WHAMM: variants seen among roughly 807,000 people sequenced by gnomAD.
WHAMM encodes WASP homolog-associated protein with actin, membranes and microtubules.
A neutral mutation model predicts 76.5 loss-of-function variants in WHAMM; 67 were observed. That is an observed-to-expected ratio of 0.88 (90% CI 0.72 to 1.07). WHAMM has a LOEUF of 1.07. Among genes scored for constraint, WHAMM ranks in the 50% least tolerant of loss-of-function variants. WHAMM has a pLI of 0.00. For missense variants in WHAMM, 1,021 were observed against 1,051.1 expected, an observed-to-expected ratio of 0.97 and a Z score of 0.40; for synonymous variants, 419 against 422.1, an observed-to-expected ratio of 0.99 and a Z score of 0.09.
In WHAMM at chr15:82,809,665, A is replaced by G. The variant is rs2050590099; in HGVS notation, c.-62A>G. On this transcript the variant is annotated 5_prime_UTR_variant, in exon 1 of 10. Coordinates refer to ENST00000286760, the MANE Select transcript of WHAMM (RefSeq NM_001080435.3). ...GATTTGGCTCGGACTGTCCCGTGAC[A>G]GGCGGTGCGAGGAGGCCAGGCCCGC... 4 of 1,275,062 alleles carry G rather than the reference A, an allele frequency of 3.1e-6. No individual in the cohort carries two copies. Among genetic ancestry groups the G allele is most frequent in the African/African-American group, 3.1e-5 (2 of 64,154 alleles). 79.0% of individuals were successfully genotyped at this position (1,275,062 alleles called of 1,614,324 possible).
intron 2 of WHAMM, among the ~76,000 whole-genome samples, chr15:82,814,487 G>A (rs2050685108): frequency 6.6e-6 from 1 of 152,022 alleles, no homozygotes; most frequent in Non-Finnish European, 1.5e-5. Context: ...TTTTGCTCTT[G>A]TTACCTAGGC....
At chr15:82,817,832 A>G (rs2050751885) in intron 3 of WHAMM, 88 bp from the exon 4 acceptor site, 1 of 1,109,448 alleles carries the variant, frequency 9.0e-7, no homozygotes, top group Admixed American at 3.3e-5. Context: ...TGCAGGTAGT[A>G]TGGAGGCAAT....
chr15:82,830,874 A>ACCACCT lies in WHAMM; in HGVS notation c.1920_1925dup (p.Pro657_Pro658dup). On this transcript the variant is annotated inframe_insertion, in exon 9 of 10. Transcript: ENST00000286760. ...AATCCAGTGAGGAATTGTCACTGCC[A>ACCACCT]CCACCTCCTCCTCCTCCACCACCAC... is the stretch of plus-strand genomic sequence containing the variant. The ACCACCT allele has an allele frequency of 6.3e-7, 1 of 1,580,936 alleles. No homozygotes were observed. Among genetic ancestry groups the ACCACCT allele is most frequent in the Non-Finnish European group, 8.6e-7 (1 of 1,163,082 alleles).
In WHAMM at chr15:82,825,488, G is replaced by C. The variant is rs145488562; in HGVS notation, c.1459-922G>C. The stretch of plus-strand genomic sequence containing the variant: ...TCTTTCCACTGATTCTGGAAATGTT[G>C]GAATTTGGAAGGCACTCAGTTAATA... On this transcript the variant is annotated intron_variant, in intron 6 of 9. Coordinates refer to ENST00000286760, the MANE Select transcript of WHAMM (RefSeq NM_001080435.3). Among the ~76,000 whole-genome samples, 1,500 of 152,244 alleles carry C rather than the reference G, an allele frequency of 9.9e-3. 18 individuals are homozygous for C. The highest frequency in any genetic ancestry group is 0.033 in the African/African-American group (1,379 of 41,530).
rs924766138 is a variant in WHAMM at position 82,810,661 on chromosome 15, A to C, written c.609+326A>C. 4 of 985,380 alleles carry C rather than the reference A, an allele frequency of 4.1e-6. No homozygotes were observed. The African/African-American group carries it at 7.0e-5, about 17-fold the overall frequency. 61.0% of individuals were successfully genotyped at this position (985,380 alleles called of 1,614,324 possible). ...AGGAAATGCCAGAAATATTGCAAGC[A>C]AGACTGAAAACAACCCATCCATGTA... On this transcript the variant is annotated intron_variant, in intron 1 of 9. Transcript: ENST00000286760.
At chr15:82,814,095 A>T (rs1468492315) in intron 2 of WHAMM, among the ~76,000 whole-genome samples, 2 of 152,222 alleles carry the variant, frequency 1.3e-5, no homozygotes, top group African/African-American at 4.8e-5. Flanking sequence ...AAATTTTAGT[A>T]AATGCTGTTA....
At chr15:82,825,890 C>G (rs1000216909) in intron 6 of WHAMM, among the ~76,000 whole-genome samples, 1 of 152,006 alleles carries the variant, frequency 6.6e-6, no homozygotes, top group African/African-American at 2.4e-5. Context: ...GAAACCTACT[C>G]AATAAATGTT....
rs2051092843 is a variant in WHAMM, at chr15:82,834,215, T to TTAAG, written c.*682_*685dup. 6.6e-6 allele frequency: 1 copy of TTAAG among 152,362 alleles called. No individual in the cohort carries two copies. Among genetic ancestry groups the TTAAG allele is most frequent in the African/African-American group, 2.4e-5 (1 of 41,422 alleles). 9.4% of individuals were successfully genotyped at this position (152,362 alleles called of 1,614,324 possible). A position where few individuals can be genotyped will look rare whatever the true frequency, so the allele number is the denominator to read the frequency against. ...CCACGCCTGGCTAATTTTTGTATAT[T>TTAAG]TAAGTAGAGACAAGGTTTCGCTATG... is the stretch of plus-strand genomic sequence containing the variant. On this transcript the variant is annotated 3_prime_UTR_variant, in exon 10 of 10. Coordinates refer to ENST00000286760, the MANE Select transcript of WHAMM (RefSeq NM_001080435.3).
At chr15:82,812,045 T>C (rs2151555653) in intron 1 of WHAMM, among the ~76,000 whole-genome samples, 1 of 152,328 alleles carries the variant, frequency 6.6e-6, no homozygotes, top group Non-Finnish European at 1.5e-5. Context: ...ACCTAGATTA[T>C]ACACTGTTCA....
At chr15:82,812,385 C>T (rs1444957742) in intron 1 of WHAMM, among the ~76,000 whole-genome samples, 2 of 152,168 alleles carry the variant, frequency 1.3e-5, no homozygotes, top group Admixed American at 6.5e-5. Context: ...CCCGCCACCA[C>T]GCCCGGCTAA....
intron 3 of WHAMM, 127 bp downstream of exon 3, chr15:82,816,969 G>A (rs534116526): frequency 1.5e-5 from 14 of 904,812 alleles, no homozygotes; most frequent in South Asian, 9.1e-5. Context: ...AGTGTCAAGC[G>A]TTAAGAGACG....
chr15:82,827,813 T>C (rs1026901774), intron 8 of WHAMM, among the ~76,000 whole-genome samples: 2 of 152,146 alleles, frequency 1.3e-5, no homozygotes, highest in Non-Finnish European at 2.9e-5. Context: ...GGCATGGTGG[T>C]GCATGCCTGT....
At chr15:82,821,601 G>A (rs1161593220) in intron 5 of WHAMM, among the ~76,000 whole-genome samples, 1 of 152,114 alleles carries the variant, frequency 6.6e-6, no homozygotes. Context: ...GCTCCATACC[G>A]TTCCCATGAC....
intron 2 of WHAMM, 32 bp from the exon 3 acceptor site, chr15:82,816,660 C>T: frequency 6.5e-7 from 1 of 1,527,174 alleles, no homozygotes. Context: ...ACTATTAGCT[C>T]TTACTAAGAA....
chr15:82,815,540 C>T (rs1239062098), intron 2 of WHAMM, among the ~76,000 whole-genome samples: 1 of 152,150 alleles, frequency 6.6e-6, no homozygotes, highest in Non-Finnish European at 1.5e-5. Context: ...GTGTAAGTTT[C>T]TGTGTAGACA....
chr15:82,829,152 C>T (rs978161773), intron 8 of WHAMM, among the ~76,000 whole-genome samples: 8 of 152,314 alleles, frequency 5.3e-5, no homozygotes, highest in Non-Finnish European at 7.3e-5. Context: ...ATTTATCATG[C>T]GTGGACAGGC....
chr15:82,826,734 C>T lies in WHAMM; in HGVS notation c.1546-17C>T. 2 of 1,533,736 alleles carry T rather than the reference C, an allele frequency of 1.3e-6. No homozygotes were observed. Among genetic ancestry groups the T allele is most frequent in the Non-Finnish European group, 1.8e-6 (2 of 1,142,482 alleles). ...TAATGTTGAGCAATTTACAAATATA[C>T]ATTTGTTTAAATATAGAAAAGAGAC... On this transcript the variant is annotated splice_polypyrimidine_tract_variant and intron_variant, in intron 7 of 9. Coordinates refer to ENST00000286760, the MANE Select transcript of WHAMM (RefSeq NM_001080435.3).
At chr15:82,830,492 G>A in intron 8 of WHAMM, 107 bp from the exon 9 acceptor site, 2 of 1,482,826 alleles carry the variant, frequency 1.3e-6, no homozygotes, top group Non-Finnish European at 9.0e-7. Flanking sequence ...TTGTGAATTA[G>A]ACCATCCATG....
chr15:82,813,647 A>ATTTTTTT (rs10563149), intron 2 of WHAMM, among the ~76,000 whole-genome samples: 6 of 60,110 alleles, frequency 1.0e-4, no homozygotes, highest in Non-Finnish European at 1.4e-4. Context: ...CTGGTGATGA[A>ATTTTTTT]TTTTTTTTTT....
Sources: gnomAD v4.1 joint callset for allele counts (sites outside exome capture counted in the v4.1 genomes callset) on GRCh38, gnomAD v4.1.1 for gene constraint, MANE v1.5 for transcripts, NCBI Gene and HGNC (gene_info 2026-07-23, HGNC 2026-07-21) for gene names.